SLC35F5: variants seen among roughly 807,000 people sequenced by gnomAD.
SLC35F5 encodes HCV NS5A-transactivated protein 3.
Under a neutral mutation model 68.6 loss-of-function variants are expected in SLC35F5, and 54 were observed. The ratio of observed to expected loss-of-function variants is 0.79; its 90% confidence interval spans 0.63 to 0.99. The LOEUF (loss-of-function observed/expected upper bound fraction) is 0.99, where lower values mean the gene tolerates loss of function less well. Ranked by LOEUF, SLC35F5 falls within the 50% of genes least tolerant of loss-of-function variation. The pLI, the probability that SLC35F5 is intolerant of heterozygous loss-of-function variation, is 0.00. For missense variants in SLC35F5, 567 were observed against 626.9 expected, an observed-to-expected ratio of 0.90 and a Z score of 1.02; for synonymous variants, 211 against 205.2, an observed-to-expected ratio of 1.03 and a Z score of -0.24.
At chr2:113,724,555 G>C (rs1222812166) in intron 12 of SLC35F5, among the ~76,000 whole-genome samples, 1 of 152,076 alleles carries the variant, frequency 6.6e-6, no homozygotes, top group South Asian at 2.1e-4. Context: ...TTCTTAACTG[G>C]GCAGGGAGAC....
At chr2:113,704,052 AC>A (rs1686747635), downstream of SLC35F5, 1 of 152,246 alleles carries the variant, frequency 6.6e-6, no homozygotes, top group Admixed American at 6.5e-5. Flanking sequence ...GCGGACCTTC[AC>A]CGTGAGTGTT....
Position 113,708,417 on chromosome 2 carries a change from C to T in SLC35F5, c.*6801G>A, listed in dbSNP as rs1193181899. On this transcript the variant is annotated 3_prime_UTR_variant, in exon 16 of 16. Transcript: ENST00000245680. ...CTAGTGACAACTTTTAAATAAAATACTGGATAGCTGGGCGCAGTGGCTCAC... is the reference window on the plus strand; with the variant it reads ...CTAGTGACAACTTTTAAATAAAATATTGGATAGCTGGGCGCAGTGGCTCAC... Among the ~76,000 whole-genome samples the T allele has an allele frequency of 6.6e-6, 1 of 152,016 alleles. No homozygotes were observed. Among genetic ancestry groups the T allele is most frequent in the Non-Finnish European group, 1.5e-5 (1 of 67,984 alleles).
intron 15 of SLC35F5, among the ~76,000 whole-genome samples, chr2:113,716,596 A>G (rs1687192756): frequency 6.6e-6 from 1 of 152,192 alleles, no homozygotes; most frequent in Non-Finnish European, 1.5e-5. Flanking sequence ...TTAGTGGGAA[A>G]GTCAGCTGAA....
intron 7 of SLC35F5, chr2:113,741,749 T>C (rs1395736542): frequency 6.6e-6 from 1 of 151,906 alleles, no homozygotes; most frequent in Non-Finnish European, 1.5e-5. Flanking sequence ...TACTTTATTA[T>C]AATTTCAAAA....
At chr2:113,746,187 T>G in intron 5 of SLC35F5, 90 bp downstream of exon 5, 2 of 946,400 alleles carry the variant, frequency 2.1e-6, no homozygotes, top group Non-Finnish European at 3.4e-6. Flanking sequence ...TATGTTGTAA[T>G]ACAGCTTTGC....
chr2:113,740,365 A>G lies in SLC35F5; in HGVS notation c.750+2327T>C, dbSNP rs192397073. On this transcript the variant is annotated intron_variant, in intron 7 of 15. Transcript: ENST00000245680. ...AGCTTATTGTCTGTTAAAAGGAACT[A>G]TCTCTCTTCCTTGGAAAAAGCAAAC... Among the ~76,000 whole-genome samples the G allele has an allele frequency of 2.8e-3, 427 of 152,356 alleles. 2 individuals carry two copies. Among genetic ancestry groups the G allele is most frequent in the African/African-American group, 9.6e-3 (400 of 41,576 alleles).
At chr2:113,749,982 A>G (rs1469126114) in intron 4 of SLC35F5, among the ~76,000 whole-genome samples, 13 of 152,228 alleles carry the variant, frequency 8.5e-5, no homozygotes, top group African/African-American at 3.1e-4. Context: ...AAAGAATATA[A>G]TTTGATTAGC....
intron 12 of SLC35F5, 40 bp from the exon 13 acceptor site, chr2:113,723,234 T>G (rs1687521689): frequency 6.9e-6 from 8 of 1,156,844 alleles, no homozygotes; most frequent in Non-Finnish European, 9.5e-6. Flanking sequence ...TTTAAAAAAT[T>G]AAACCAAAGA....
At chr2:113,750,672 A>C in intron 3 of SLC35F5, 104 bp from the exon 4 acceptor site, 1 of 1,038,506 alleles carries the variant, frequency 9.6e-7, no homozygotes, top group Non-Finnish European at 1.3e-6. Context: ...TCAGAAGTTC[A>C]CTTGGAAAGA....
At chr2:113,731,478 C>T in intron 10 of SLC35F5, 106 bp downstream of exon 10, 1 of 704,718 alleles carries the variant, frequency 1.4e-6, no homozygotes, top group Admixed American at 2.5e-5. Context: ...CAAAAAAAAC[C>T]CACCCTGCTA....
intron 7 of SLC35F5, among the ~76,000 whole-genome samples, chr2:113,738,673 A>G (rs538987274): frequency 6.6e-6 from 1 of 151,686 alleles, no homozygotes; most frequent in African/African-American, 2.4e-5. Flanking sequence ...AAAAAAAAAC[A>G]ACCTAGTAAG....
At chr2:113,731,452 T>C (rs1687881931) in intron 10 of SLC35F5, 132 bp downstream of exon 10, 6 of 609,752 alleles carry the variant, frequency 9.8e-6, no homozygotes, top group Admixed American at 2.5e-5. Flanking sequence ...TTTATGTTAT[T>C]TCCAAAGGAA....
chr2:113,728,487 A>G (rs1687752558), intron 11 of SLC35F5, among the ~76,000 whole-genome samples: 1 of 152,198 alleles, frequency 6.6e-6, no homozygotes, highest in Admixed American at 6.5e-5. Flanking sequence ...AAAATGCTCA[A>G]CAAAGTAGAG....
chr2:113,742,221 G>C (rs1676303811), intron 7 of SLC35F5: 1 of 154,592 alleles, frequency 6.5e-6, no homozygotes, highest in Non-Finnish European at 1.4e-5. Flanking sequence ...CAGAAATTCT[G>C]TAGAAATATA....
intron 1 of SLC35F5, 117 bp downstream of exon 1, chr2:113,756,253 T>C (rs1240642894): frequency 1.3e-6 from 2 of 1,538,880 alleles, no homozygotes; most frequent in African/African-American, 2.7e-5. Context: ...CTAGAGACCT[T>C]CACGGTTTCG....
rs1253735521 is a variant in SLC35F5, at chr2:113,712,632, A to C, written c.*2586T>G. Among the ~76,000 whole-genome samples the C allele has an allele frequency of 6.6e-6, 1 of 152,176 alleles. No homozygotes were observed. The highest frequency in any genetic ancestry group is 1.5e-5 in the Non-Finnish European group (1 of 68,012). On this transcript the variant is annotated 3_prime_UTR_variant, in exon 16 of 16. Transcript: ENST00000245680. ...GCCCGGCCCAAAAGCATTTACTGTT[A>C]AGGCTGCCTCATTTTTCAGCTTTGT...
rs1686827913 is a variant in SLC35F5, at chr2:113,707,385, A to G, written c.*7833T>C. On this transcript the variant is annotated 3_prime_UTR_variant, in exon 16 of 16. Transcript: ENST00000245680. ...AATCACAGTATGCTGACACTAGATA[A>G]CTTCAGCTTTATTTGCCAAAGGGGA... 6.6e-6 allele frequency among the ~76,000 whole-genome samples: 1 copy of G among 152,204 alleles called. No homozygotes were observed. The highest frequency in any genetic ancestry group is 6.5e-5 in the Admixed American group (1 of 15,284).
chr2:113,733,402 G>T, intron 9 of SLC35F5: 1 of 346,592 alleles, frequency 2.9e-6, no homozygotes, highest in Non-Finnish European at 5.9e-6. Context: ...TCTTTATCAA[G>T]TCTTTATTAA....
At chr2:113,753,925 G>A (rs910173067) in intron 3 of SLC35F5, among the ~76,000 whole-genome samples, 17 of 152,206 alleles carry the variant, frequency 1.1e-4, no homozygotes, top group African/African-American at 4.1e-4. Flanking sequence ...CTAAAAGAAG[G>A]TTAGAGAAGA....
Sources: allele counts gnomAD v4.1 joint callset (sites outside exome capture counted in the v4.1 genomes callset), GRCh38; gene constraint gnomAD v4.1.1; transcripts MANE v1.5; gene names NCBI Gene and HGNC (gene_info 2026-07-23, HGNC 2026-07-21).